The following TDRD3 variants were observed in gnomAD, a reference collection of about 807,000 sequenced individuals.
TDRD3 encodes the protein tudor domain containing 3, also known as tudor domain-containing protein 3.
A neutral mutation model predicts 86.7 loss-of-function variants in TDRD3; 45 were observed. That is an observed-to-expected ratio of 0.52 (90% confidence interval 0.41 to 0.67). TDRD3 has a LOEUF of 0.67. Ranked by LOEUF, TDRD3 falls within the 30% of genes least tolerant of loss-of-function variation. TDRD3 has a pLI of 0.00. For synonymous variants in TDRD3, 298 were observed against 301.7 expected (o/e 0.99, Z 0.13); for missense variants, 814 against 889.0 (o/e 0.92, Z 1.07).
intron 1 of TDRD3, among the ~76,000 whole-genome samples, chr13:60,423,893 G>C (rs1954727769): frequency 1.3e-5 from 2 of 152,044 alleles, no homozygotes; most frequent in South Asian, 4.1e-4. Context: ...TAAGTCAAAA[G>C]AAAGGAAGAA....
chr13:60,437,361 G>C (rs1321874360), intron 1 of TDRD3, among the ~76,000 whole-genome samples: 1 of 151,650 alleles, frequency 6.6e-6, no homozygotes, highest in South Asian at 2.1e-4. Flanking sequence ...CCTGGCTTCA[G>C]GTGATCCACC....
chr13:60,397,318 AT>A lies in TDRD3; in HGVS notation c.-46del. 3.1e-6 allele frequency: 3 copies of A among 959,708 alleles called. No individual in the cohort carries two copies. The highest frequency in any genetic ancestry group is 3.7e-4 in the Middle Eastern group (1 of 2,730). The allele number at this position is 959,708 out of a possible 1,614,324, so 59.4% of individuals were successfully genotyped here. ...GGGGTCTCAAGTAGGAGGCCTCCCC[AT>A]CACCCCCACCCCAGCCCCCCACCAC... is the stretch of plus-strand genomic sequence containing the variant. On this transcript the variant is annotated 5_prime_UTR_variant, in exon 1 of 14. The change abolishes the stop of an existing upstream ORF in the 5' untranslated region. Transcript: ENST00000377881.
intron 10 of TDRD3, among the ~76,000 whole-genome samples, chr13:60,524,641 G>C (rs1384378823): frequency 6.6e-6 from 1 of 152,050 alleles, no homozygotes; most frequent in Non-Finnish European, 1.5e-5. Flanking sequence ...CTTTATATAT[G>C]ACTTTATGAT....
chr13:60,436,791 AT>A (rs1361711576), intron 1 of TDRD3, among the ~76,000 whole-genome samples: 1 of 152,188 alleles, frequency 6.6e-6, no homozygotes, highest in Non-Finnish European at 1.5e-5. Context: ...TGCCTTTAGA[AT>A]TTTTGTTAGA....
intron 11 of TDRD3, among the ~76,000 whole-genome samples, chr13:60,530,405 G>A (rs1267498248): frequency 6.6e-6 from 1 of 151,994 alleles, no homozygotes; most frequent in Non-Finnish European, 1.5e-5. Context: ...GGGTCTGGGA[G>A]GATGTGAGAA....
In TDRD3 at chr13:60,573,739, A is replaced by C. The variant is rs1958640507; in HGVS notation, c.*133A>C. 1.2e-6 allele frequency: 1 copy of C among 851,636 alleles called. No homozygotes were observed. Among genetic ancestry groups the C allele is most frequent in the South Asian group, 5.4e-5 (1 of 18,572 alleles). The allele number at this position is 851,636 out of a possible 1,614,324, so 52.8% of individuals were successfully genotyped here. A position where few individuals can be genotyped will look rare whatever the true frequency, so the allele number is the denominator to read the frequency against. On this transcript the variant is annotated 3_prime_UTR_variant, in exon 14 of 14. Coordinates refer to ENST00000377881, the MANE Select transcript of TDRD3 (RefSeq NM_001146070.2). ...ATTATTATTTGAAGAAAGAAAAAAC[A>C]GATTTTAGGGTGGAAAAAACAGTCA...
intron 12 of TDRD3, among the ~76,000 whole-genome samples, chr13:60,539,399 T>A (rs914269371): frequency 2.6e-5 from 4 of 152,070 alleles, no homozygotes; most frequent in African/African-American, 4.8e-5. Context: ...AGAGAAAATC[T>A]TACTGAAGTT....
chr13:60,440,305 C>T (rs1181258100), intron 2 of TDRD3, among the ~76,000 whole-genome samples: 2 of 151,538 alleles, frequency 1.3e-5, no homozygotes, highest in Non-Finnish European at 2.9e-5. Context: ...TTTGTCCACC[C>T]AACCCTCTAG....
chr13:60,397,390 T>C lies in TDRD3; in HGVS notation c.26T>C (p.Leu9Ser). ...ATGGCCCAGGTGGCCGGCGCGGCGT[T>C]GTCCCAGGCGGGTTGGTAAGTGGCG... MAQVAGAALSQAGWYLSDE... is the reference protein window; with the variant it reads MAQVAGAASSQAGWYLSDE... Residue 9 changes from leucine to serine, a missense_variant, in exon 1 of 14, where the codon TTG becomes TCG. Leu to Ser is a moderately radical substitution (Grantham distance 145). Transcript: ENST00000377881. 1 of 1,501,672 alleles carries C rather than the reference T, an allele frequency of 6.7e-7. No individual in the cohort carries two copies. Among genetic ancestry groups the C allele is most frequent in the Non-Finnish European group, 8.9e-7 (1 of 1,126,864 alleles). The allele number at this position is 1,501,672 out of a possible 1,614,324, so 93.0% of individuals were successfully genotyped here.
rs539404092 is a variant in TDRD3 at position 60,490,412 on chromosome 13, G to T, written c.718-4023G>T. Among the ~76,000 whole-genome samples, 19 of 152,294 alleles carry T rather than the reference G, an allele frequency of 1.2e-4. No individual in the cohort carries two copies. In the South Asian group the frequency reaches 3.7e-3, roughly 30 times the overall value. On this transcript the variant is annotated intron_variant, in intron 7 of 13. Transcript: ENST00000377881. ...AGCAGGAGCACAGAGAAACAGCGGA[G>T]TGGCCAGTGGAAGCAGAGAGAACAG...
At chr13:60,416,146 C>T (rs1954506730) in intron 1 of TDRD3, among the ~76,000 whole-genome samples, 1 of 152,162 alleles carries the variant, frequency 6.6e-6, no homozygotes, top group Non-Finnish European at 1.5e-5. Flanking sequence ...AATATCAAAT[C>T]ATGGCAAAAA....
intron 7 of TDRD3, among the ~76,000 whole-genome samples, chr13:60,493,165 G>A (rs1199857086): frequency 6.6e-6 from 1 of 151,496 alleles, no homozygotes. Context: ...TGATCCACCC[G>A]TCTCGGCCTC....
chr13:60,505,968 G>A (rs1309699490), intron 8 of TDRD3, among the ~76,000 whole-genome samples: 1 of 152,152 alleles, frequency 6.6e-6, no homozygotes, highest in Admixed American at 6.5e-5. Flanking sequence ...TCAGGATATT[G>A]TCCGGAAGAA....
intron 11 of TDRD3, among the ~76,000 whole-genome samples, chr13:60,533,616 G>A (rs1303309622): frequency 6.6e-6 from 1 of 151,792 alleles, no homozygotes; most frequent in African/African-American, 2.4e-5. Context: ...ACTCCAGCCT[G>A]GGTGACAGAG....
intron 3 of TDRD3, among the ~76,000 whole-genome samples, chr13:60,448,030 G>T (rs1304592170): frequency 1.3e-5 from 2 of 152,104 alleles, no homozygotes; most frequent in Admixed American, 1.3e-4. Context: ...TTTGGAAGTA[G>T]ATTAAAGGAG....
intron 12 of TDRD3, among the ~76,000 whole-genome samples, chr13:60,563,788 T>A (rs1430235818): frequency 6.6e-6 from 1 of 152,252 alleles, no homozygotes; most frequent in East Asian, 1.9e-4. Context: ...GTGTTCCAAG[T>A]GACCAATTTA....
chr13:60,468,744 A>G (rs1356481762), intron 5 of TDRD3, among the ~76,000 whole-genome samples: 4 of 152,190 alleles, frequency 2.6e-5, no homozygotes, highest in Admixed American at 6.5e-5. Context: ...CCTTTTTGCA[A>G]TCTCCAAAGC....
intron 1 of TDRD3, among the ~76,000 whole-genome samples, chr13:60,416,269 C>T (rs1301505663): frequency 6.6e-6 from 1 of 150,768 alleles, no homozygotes; most frequent in Non-Finnish European, 1.5e-5. Context: ...AGTTCTTAGT[C>T]TAAATTTCTA....
intron 1 of TDRD3, among the ~76,000 whole-genome samples, chr13:60,415,369 A>T (rs774043032): frequency 1.3e-5 from 2 of 152,096 alleles, no homozygotes; most frequent in African/African-American, 2.4e-5. Context: ...TTTTATTATC[A>T]GATTATATTA....
Sources: allele counts gnomAD v4.1 joint callset (sites outside exome capture counted in the v4.1 genomes callset), GRCh38; gene constraint gnomAD v4.1.1; transcripts MANE v1.5; gene names NCBI Gene and HGNC (gene_info 2026-07-23, HGNC 2026-07-21).